ZNF99: variants seen among roughly 807,000 people sequenced by gnomAD.
ZNF99 encodes the protein zinc finger protein 99.
In ZNF99, 8 loss-of-function variants were observed where a neutral mutation model predicts 12.8. That is an observed-to-expected ratio of 0.62 (90% CI 0.37 to 1.13). The LOEUF (loss-of-function observed/expected upper bound fraction) is 1.13, where lower values mean the gene tolerates loss of function less well. ZNF99 is among the 50% of genes most tolerant of loss of function. ZNF99 has a pLI of 0.02. For missense variants in ZNF99, 1,007 were observed against 1,006.2 expected (o/e 1.00, Z -0.01); for synonymous variants, 318 against 319.0 (o/e 1.00, Z 0.03).
chr19:22,753,033 ATC>A lies in ZNF99; in HGVS notation c.*4279_*4280del, dbSNP rs1208225553. On this transcript the variant is annotated 3_prime_UTR_variant, in exon 4 of 4. Transcript: ENST00000596209. ...CATCTAATAAAAAAGAATCTTTCAT[ATC>A]TCTGATGCAGCAACAATTGATCGCA... 1.3e-5 allele frequency: 2 copies of A among 152,210 alleles called. No homozygotes were observed. The highest frequency in any genetic ancestry group is 4.8e-5 in the African/African-American group (2 of 41,578). The allele number at this position is 152,210 out of a possible 1,614,324, so 9.4% of individuals were successfully genotyped here. A position where few individuals can be genotyped will look rare whatever the true frequency, so the allele number is the denominator to read the frequency against.
chr19:22,779,575 C>A (rs1973365733), intron 1 of ZNF99, among the ~76,000 whole-genome samples: 1 of 152,062 alleles, frequency 6.6e-6, no homozygotes, highest in Non-Finnish European at 1.5e-5. Context: ...AGTTTGTTTT[C>A]AGTGGTCAAC....
At position 22,758,269 on chromosome 19, in the gene ZNF99, T is replaced by C. The variant is rs144632185; in HGVS notation, c.1640A>G (p.Asn547Ser). Residue 547 changes from asparagine to serine, a missense_variant, in exon 4 of 4, where the codon AAC becomes AGC. Coordinates refer to ENST00000596209, the MANE Select transcript of ZNF99 (RefSeq NM_001080409.3). The stretch of plus-strand genomic sequence containing the variant: ...ATGTTTCATAAGGGTTGAGGAATTG[T>C]TAAAAGCTTTGCCACATTCTTCACA... ...YKCEECGKAF[N>S]NSSTLMKHKI... The C allele has an allele frequency of 0.088, 141,524 of 1,612,460 alleles. 6,048 individuals are homozygous for C. The highest frequency in any genetic ancestry group is 0.14 in the Middle Eastern group (835 of 6,052).
At position 22,784,107 on chromosome 19, in the gene ZNF99, G is replaced by GT; in HGVS notation, c.-92dup. ...CCACAGAGGCTAAGGACACAGAGCAGTAAAAACGAGATCCGGAGCTCCAGC... is the reference window on the plus strand; with the variant it reads ...CCACAGAGGCTAAGGACACAGAGCAGTTAAAAACGAGATCCGGAGCTCCAGC... On this transcript the variant is annotated 5_prime_UTR_variant, in exon 1 of 4. Coordinates refer to ENST00000596209, the MANE Select transcript of ZNF99 (RefSeq NM_001080409.3). 3 of 1,442,388 alleles carry GT rather than the reference G, an allele frequency of 2.1e-6. No homozygotes were observed. The highest frequency in any genetic ancestry group is 2.9e-6 in the Non-Finnish European group (3 of 1,043,664). The allele number at this position is 1,442,388 out of a possible 1,614,324, so 89.3% of individuals were successfully genotyped here.
rs1308990065 is a variant in ZNF99 at position 22,758,538 on chromosome 19, T to G, written c.1371A>C (p.Glu457Asp). 1 of 1,613,146 alleles carries G rather than the reference T, an allele frequency of 6.2e-7. No individual in the cohort carries two copies. The highest frequency in any genetic ancestry group is 1.3e-5 in the African/African-American group (1 of 74,830). ...AAAAATTGCTAAAAGCTTTGCTGCA[T>G]TCTTCACATTTGTAGGGTTGCTTTC... ...HTGKQPYKCE[E>D]CSKAFSNFSA... Residue 457 changes from glutamate (E) to aspartate (D), a missense_variant, in exon 4 of 4, where the codon GAA becomes GAC. Transcript: ENST00000596209.
At position 22,768,199 on chromosome 19, in the gene ZNF99, T is replaced by C. The variant is rs1973225745; in HGVS notation, c.226+106A>G. On this transcript the variant is annotated intron_variant, in intron 3 of 3. Transcript: ENST00000596209. ...AAAAAATCTCAGTCTTCCCAGAAAC[T>C]ACTTCCTTTGGAGCACAGCTTCTCA... 6 of 1,264,822 alleles carry C rather than the reference T, an allele frequency of 4.7e-6. No individual in the cohort carries two copies. In the South Asian group the frequency reaches 7.7e-5, roughly 16 times the overall value. The allele number at this position is 1,264,822 out of a possible 1,614,324, so 78.3% of individuals were successfully genotyped here. A position where few individuals can be genotyped will look rare whatever the true frequency, so the allele number is the denominator to read the frequency against.
Position 22,756,501 on chromosome 19 carries a change from G to C in ZNF99, c.*813C>G. The C allele has an allele frequency of 6.3e-7, 1 of 1,594,372 alleles. No homozygotes were observed. Among genetic ancestry groups the C allele is most frequent in the Non-Finnish European group, 8.5e-7 (1 of 1,173,464 alleles). ...TTATCCTATGTTTAGTAAGGCGTGA[G>C]AAATGGCTAAAAGCTTTGCCACGTT... On this transcript the variant is annotated 3_prime_UTR_variant, in exon 4 of 4. Transcript: ENST00000596209.
chr19:22,777,938 T>C (rs1973346918), intron 1 of ZNF99, among the ~76,000 whole-genome samples: 1 of 143,966 alleles, frequency 6.9e-6, no homozygotes, highest in South Asian at 2.2e-4. Flanking sequence ...TCGCATATTC[T>C]CACTCATAGG....
chr19:22,764,141 T>C (rs1220129296), intron 3 of ZNF99, among the ~76,000 whole-genome samples: 3 of 151,940 alleles, frequency 2.0e-5, no homozygotes, highest in East Asian at 3.9e-4. Context: ...ACTCCTGACC[T>C]CATGATCCAC....
In ZNF99 at chr19:22,779,735, CTT is replaced by C. The variant is rs368980651; in HGVS notation, c.3+4277_3+4278del. On this transcript the variant is annotated intron_variant, in intron 1 of 3. Transcript: ENST00000596209. Reference sequence around the variant, plus strand: ...TAAAACATTCTCTGATCTAAAATCTCTTTCTTTCACCCTCCATTCGCCATCCC... The same window carrying C: ...TAAAACATTCTCTGATCTAAAATCTCTCTTTCACCCTCCATTCGCCATCCC... Among the ~76,000 whole-genome samples, 661 of 152,206 alleles carry C rather than the reference CTT, an allele frequency of 4.3e-3. 8 individuals are homozygous for C. Among genetic ancestry groups the C allele is most frequent in the African/African-American group, 0.015 (630 of 41,536 alleles).
Position 22,753,186 on chromosome 19 carries a change from T to C in ZNF99, c.*4128A>G, listed in dbSNP as rs1294134973. 6 of 152,110 alleles carry C rather than the reference T, an allele frequency of 3.9e-5. No individual in the cohort carries two copies. The highest frequency in any genetic ancestry group is 7.4e-5 in the Non-Finnish European group (5 of 67,972). 9.4% of individuals were successfully genotyped at this position (152,110 alleles called of 1,614,324 possible). On this transcript the variant is annotated 3_prime_UTR_variant, in exon 4 of 4. Coordinates refer to ENST00000596209, the MANE Select transcript of ZNF99 (RefSeq NM_001080409.3). The stretch of plus-strand genomic sequence containing the variant: ...ATTGTGATGTTAATTTTTTTGATAT[T>C]TGAAGTATACAAAAAGTATACTTCA...
At chr19:22,783,098 G>A (rs61675871) in intron 1 of ZNF99, among the ~76,000 whole-genome samples, 9,965 of 152,032 alleles carry the variant, frequency 0.066, 598 homozygotes, top group African/African-American at 0.16. Context: ...TGACCAAAAC[G>A]GAGAAACCTC....
chr19:22,759,774 TAAGC>T (rs1320056465), intron 3 of ZNF99, 92 bp from the exon 4 acceptor site: 4 of 954,340 alleles, frequency 4.2e-6, no homozygotes, highest in Non-Finnish European at 5.8e-6. Context: ...ACAAACCGCT[TAAGC>T]AAGATGGCAC....
In ZNF99 at chr19:22,756,896, T is replaced by A. The variant is rs746147399; in HGVS notation, c.*418A>T. 1.9e-6 allele frequency: 3 copies of A among 1,611,340 alleles called. No homozygotes were observed. The highest frequency in any genetic ancestry group is 2.5e-6 in the Non-Finnish European group (3 of 1,178,754). On this transcript the variant is annotated 3_prime_UTR_variant, in exon 4 of 4. Coordinates refer to ENST00000596209, the MANE Select transcript of ZNF99 (RefSeq NM_001080409.3). Reference sequence around the variant, plus strand: ...TGTAGGGTTTCTCTACAGTATGAATTACCTTATGTTCCATAAGTTTTGAGA... The same window carrying A: ...TGTAGGGTTTCTCTACAGTATGAATAACCTTATGTTCCATAAGTTTTGAGA...
Position 22,755,187 on chromosome 19 carries a change from G to A in ZNF99, c.*2127C>T. The stretch of plus-strand genomic sequence containing the variant: ...GAGTTGAGGACTGGCTAAAAGCATT[G>A]CCACTTTCTTCACATTTGTAGGGTT... On this transcript the variant is annotated 3_prime_UTR_variant, in exon 4 of 4. Transcript: ENST00000596209. The A allele has an allele frequency of 3.6e-6, 1 of 274,410 alleles. No homozygotes were observed. Among genetic ancestry groups the A allele is most frequent in the Non-Finnish European group, 7.4e-6 (1 of 136,018 alleles). 17.0% of individuals were successfully genotyped at this position (274,410 alleles called of 1,614,324 possible). A position where few individuals can be genotyped will look rare whatever the true frequency, so the allele number is the denominator to read the frequency against.
chr19:22,783,770 G>C (rs1450335822), intron 1 of ZNF99, among the ~76,000 whole-genome samples: 1 of 152,170 alleles, frequency 6.6e-6, no homozygotes, highest in East Asian at 1.9e-4. Flanking sequence ...GGTGAAGAGC[G>C]GCCCAGAGAG....
At chr19:22,760,246 T>G (rs1277835488) in intron 3 of ZNF99, among the ~76,000 whole-genome samples, 1 of 152,142 alleles carries the variant, frequency 6.6e-6, no homozygotes, top group Non-Finnish European at 1.5e-5. Context: ...TGAGATGAGA[T>G]TATGCTATTG....
chr19:22,780,062 G>C (rs1973370554), intron 1 of ZNF99, among the ~76,000 whole-genome samples: 1 of 152,092 alleles, frequency 6.6e-6, no homozygotes, highest in Non-Finnish European at 1.5e-5. Flanking sequence ...GCTTCCCTCA[G>C]GATAAAGTCT....
At chr19:22,780,548 C>T (rs1340012414) in intron 1 of ZNF99, among the ~76,000 whole-genome samples, 3 of 151,660 alleles carry the variant, frequency 2.0e-5, no homozygotes, top group Non-Finnish European at 4.4e-5. Context: ...ACAAAATTAG[C>T]GGCGTGGTGG....
chr19:22,760,723 G>A (rs1268387977), intron 3 of ZNF99, among the ~76,000 whole-genome samples: 4 of 151,982 alleles, frequency 2.6e-5, no homozygotes, highest in South Asian at 4.2e-4. Context: ...CAGCCTGGGC[G>A]ACAGAGAGAG....
Sources: gnomAD v4.1 joint callset for allele counts (sites outside exome capture counted in the v4.1 genomes callset) on GRCh38, gnomAD v4.1.1 for gene constraint, MANE v1.5 for transcripts, NCBI Gene and HGNC (gene_info 2026-07-23, HGNC 2026-07-21) for gene names.